Variants in GPHN observed in about 807,000 individuals in gnomAD.
The protein encoded by GPHN is gephyrin.
In GPHN, 17 loss-of-function variants were observed where a neutral mutation model predicts 95.5. The ratio of observed to expected loss-of-function variants is 0.18; its 90% CI spans 0.12 to 0.27. GPHN has a LOEUF of 0.27. Among genes scored for constraint, GPHN ranks in the 10% least tolerant of loss-of-function variants. GPHN has a pLI of 1.00. For synonymous variants in GPHN, 320 were observed against 322.5 expected (o/e 0.99, Z 0.08); for missense variants, 660 against 978.1 (o/e 0.67, Z 4.34).
At chr14:66,942,054 C>A (rs2067459104) in intron 8 of GPHN, among the ~76,000 whole-genome samples, 1 of 152,172 alleles carries the variant, frequency 6.6e-6, no homozygotes, top group Non-Finnish European at 1.5e-5. Flanking sequence ...TCTTCTCACC[C>A]AAGCTGGAGT....
the GPHN span, chr14:67,729,286 T>C: frequency 6.2e-7 from 1 of 1,604,262 alleles, no homozygotes; most frequent in Non-Finnish European, 8.5e-7. Flanking sequence ...GCGGCTCTTC[T>C]CCCCCTTTGT....
chr14:66,980,658 C>G (rs2070596031), intron 9 of GPHN, among the ~76,000 whole-genome samples: 1 of 151,926 alleles, frequency 6.6e-6, no homozygotes, highest in Non-Finnish European at 1.5e-5. Flanking sequence ...GGAATTAAAA[C>G]TATATAGAAC....
At chr14:66,974,606 T>A (rs902547644) in intron 9 of GPHN, among the ~76,000 whole-genome samples, 1 of 152,130 alleles carries the variant, frequency 6.6e-6, no homozygotes, top group African/African-American at 2.4e-5. Context: ...AGACAGACTG[T>A]AAGTGGTATA....
At chr14:67,639,320 C>T in the GPHN span, among the ~76,000 whole-genome samples, 1 of 152,096 alleles carries the variant, frequency 6.6e-6, no homozygotes, top group African/African-American at 2.4e-5. Context: ...TTTAATTTCC[C>T]TGTATTTCTT....
the GPHN span, among the ~76,000 whole-genome samples, chr14:67,638,561 C>T: frequency 6.6e-6 from 1 of 152,160 alleles, no homozygotes; most frequent in Non-Finnish European, 1.5e-5. Flanking sequence ...CTTCCCCTGA[C>T]TCCTTTAGGA....
chr14:67,654,350 C>T, the GPHN span, among the ~76,000 whole-genome samples: 2 of 151,814 alleles, frequency 1.3e-5, no homozygotes, highest in Non-Finnish European at 2.9e-5. Flanking sequence ...GCTATGTTGC[C>T]CAGGCTGGTT....
At chr14:67,190,748 G>T in the GPHN span, among the ~76,000 whole-genome samples, 1 of 152,188 alleles carries the variant, frequency 6.6e-6, no homozygotes, top group Non-Finnish European at 1.5e-5. Context: ...CTCCTGCAAA[G>T]GTGCAACCAG....
intron 9 of GPHN, among the ~76,000 whole-genome samples, chr14:66,977,417 C>T (rs1049754598): frequency 3.3e-5 from 5 of 151,160 alleles, no homozygotes; most frequent in African/African-American, 7.3e-5. Context: ...GGTGACAGAG[C>T]GAGACCCCAT....
chr14:66,532,768 C>G (rs2058995504), intron 1 of GPHN, among the ~76,000 whole-genome samples: 2 of 152,326 alleles, frequency 1.3e-5, no homozygotes, highest in Admixed American at 1.3e-4. Context: ...CATCTTTGCT[C>G]TACCCTGTAA....
the GPHN span, among the ~76,000 whole-genome samples, chr14:67,599,843 C>A: frequency 6.6e-6 from 1 of 152,188 alleles, no homozygotes; most frequent in Admixed American, 6.5e-5. Flanking sequence ...TTTCACTAAA[C>A]GTCATTTAAA....
At chr14:66,530,476 C>T (rs1289858711) in intron 1 of GPHN, among the ~76,000 whole-genome samples, 1 of 152,024 alleles carries the variant, frequency 6.6e-6, no homozygotes, top group African/African-American at 2.4e-5. Context: ...TGCTGGTGTT[C>T]CAGGTACCAC....
intron 4 of GPHN, among the ~76,000 whole-genome samples, chr14:66,854,819 T>C (rs566575187): frequency 6.6e-6 from 1 of 152,170 alleles, no homozygotes. Context: ...GCAAAATATG[T>C]ATAGCACAAA....
At chr14:66,842,801 C>G (rs1340400317) in intron 4 of GPHN, 5 of 966,894 alleles carry the variant, frequency 5.2e-6, no homozygotes, top group Non-Finnish European at 7.8e-6. Context: ...ATAAAAAATG[C>G]TTGGATCCAT....
chr14:67,014,927 A>G (rs2073216944), intron 9 of GPHN, among the ~76,000 whole-genome samples: 1 of 152,156 alleles, frequency 6.6e-6, no homozygotes, highest in African/African-American at 2.4e-5. Flanking sequence ...CAAAGTTTCC[A>G]GAGGTCACTG....
At chr14:67,058,527 T>G (rs1459590784) in intron 10 of GPHN, 122 bp from the exon 11 acceptor site, 1 of 857,300 alleles carries the variant, frequency 1.2e-6, no homozygotes. Flanking sequence ...GAGAAACAGT[T>G]TCTTACCTGC....
intron 1 of GPHN, among the ~76,000 whole-genome samples, chr14:66,585,782 A>G (rs568624403): frequency 0.011 from 1,639 of 152,122 alleles, 18 homozygotes; most frequent in Non-Finnish European, 0.017. Flanking sequence ...GTTCTTTTAC[A>G]TTTGCTGAGG....
the GPHN span, among the ~76,000 whole-genome samples, chr14:67,509,895 T>C: frequency 6.6e-6 from 1 of 151,984 alleles, no homozygotes; most frequent in East Asian, 1.9e-4. Flanking sequence ...CACATGCCTG[T>C]AGTCCTAGGG....
At chr14:67,489,460 G>A in the GPHN span, among the ~76,000 whole-genome samples, 5 of 152,158 alleles carry the variant, frequency 3.3e-5, no homozygotes, top group African/African-American at 1.2e-4. Flanking sequence ...GCAGCTTCTG[G>A]TCAATATGCC....
the GPHN span, among the ~76,000 whole-genome samples, chr14:67,265,034 T>A: frequency 6.6e-6 from 1 of 152,236 alleles, no homozygotes; most frequent in Non-Finnish European, 1.5e-5. Context: ...GGTTTTTACT[T>A]TGAAGATTTT....
Sources: gnomAD v4.1 joint callset for allele counts (sites outside exome capture counted in the v4.1 genomes callset) on GRCh38, gnomAD v4.1.1 for gene constraint, MANE v1.5 for transcripts, NCBI Gene and HGNC (gene_info 2026-07-23, HGNC 2026-07-21) for gene names.